A2ML1: variants seen among roughly 807,000 people sequenced by gnomAD.
A2ML1 encodes alpha-2-macroglobulin-like protein 1.
Under a neutral mutation model 181.9 loss-of-function variants are expected in A2ML1, and 161 were observed. That is an observed-to-expected ratio of 0.89 (90% CI 0.78 to 1.01). The LOEUF is 1.01. A2ML1 is among the 50% of genes least tolerant of loss of function. The pLI, the probability that A2ML1 is intolerant of heterozygous loss-of-function variation, is 0.00. For missense variants in A2ML1, 1,670 were observed against 1,768.1 expected (o/e 0.94, Z 1.00); for synonymous variants, 663 against 666.8 (o/e 0.99, Z 0.09).
Position 8,876,086 on chromosome 12 carries a change from CTG to C in A2ML1, c.*33_*34del, listed in dbSNP as rs1944792593. ...AGGAGCTGGAAACTCAATTAGTCCT[CTG>C]TGACATTTACTGGAGGGTGGAACAT... On this transcript the variant is annotated 3_prime_UTR_variant, in exon 36 of 36. Transcript: ENST00000299698. 2.1e-5 allele frequency: 1 copy of C among 47,716 alleles called. No homozygotes were observed. Among genetic ancestry groups the C allele is most frequent in the Non-Finnish European group, 6.5e-5 (1 of 15,306 alleles). The allele number at this position is 47,716 out of a possible 1,614,324, so 3.0% of individuals were successfully genotyped here. A position where few individuals can be genotyped will look rare whatever the true frequency, so the allele number is the denominator to read the frequency against.
chr12:8,831,175 G>A (rs574618294), intron 4 of A2ML1, among the ~76,000 whole-genome samples: 5 of 152,056 alleles, frequency 3.3e-5, no homozygotes, highest in Non-Finnish European at 5.9e-5. Flanking sequence ...TGCGCAGGCC[G>A]GTCTTGAGCT....
At chr12:8,823,137 T>C (rs1942799008) in intron 1 of A2ML1, 45 bp from the exon 2 acceptor site, 1 of 1,582,674 alleles carries the variant, frequency 6.3e-7, no homozygotes, top group Non-Finnish European at 8.6e-7. Context: ...ATTTTTCGAG[T>C]GAATGAATCA....
rs202118646 is a variant in A2ML1, at chr12:8,824,698, TTCTC to T, written c.409+826_409+829del. Among the ~76,000 whole-genome samples, 1,092 of 151,284 alleles carry T rather than the reference TTCTC, an allele frequency of 7.2e-3. 4 individuals carry two copies. The highest frequency in any genetic ancestry group is 0.015 in the African/African-American group (624 of 41,272). On this transcript the variant is annotated intron_variant, in intron 3 of 35. Transcript: ENST00000299698. ...CCAGCATCTGGTAACCATCATTCTG[TTCTC>T]TCTCTCTCTTTCAAAAAAATTTTTT...
intron 26 of A2ML1, among the ~76,000 whole-genome samples, chr12:8,860,632 A>G (rs1360030782): frequency 6.6e-6 from 1 of 152,118 alleles, no homozygotes; most frequent in Non-Finnish European, 1.5e-5. Flanking sequence ...ATACCCACTC[A>G]GCTGAAGTCC....
chr12:8,857,595 T>C lies in A2ML1; in HGVS notation c.3107+7T>C, dbSNP rs764916123. The C allele has an allele frequency of 3.1e-6, 5 of 1,607,926 alleles. No individual in the cohort carries two copies. In the Admixed American group the frequency reaches 8.5e-5, roughly 27 times the overall value. ...ATGGAAATGGAAACACATGGTAATATCACCCAATTCCCAATGAGTTCTGTA... is the reference window on the plus strand; with the variant it reads ...ATGGAAATGGAAACACATGGTAATACCACCCAATTCCCAATGAGTTCTGTA... On this transcript the variant is annotated splice_region_variant and intron_variant, in intron 25 of 35. Transcript: ENST00000299698.
intron 7 of A2ML1, 139 bp downstream of exon 7, chr12:8,836,478 GA>G (rs1943280124): frequency 2.9e-5 from 14 of 483,794 alleles, no homozygotes; most frequent in East Asian, 3.9e-5. Context: ...GCTTATCCAA[GA>G]CCTTTTTTTT....
intron 3 of A2ML1, among the ~76,000 whole-genome samples, chr12:8,825,216 T>C (rs1365460866): frequency 1.3e-5 from 2 of 152,158 alleles, no homozygotes; most frequent in African/African-American, 4.8e-5. Context: ...CCACCAACAG[T>C]GTATGAGGGT....
Position 8,846,230 on chromosome 12 carries a change from G to A in A2ML1, c.1683+8G>A, listed in dbSNP as rs756376369. The A allele has an allele frequency of 1.9e-6, 3 of 1,614,022 alleles. No homozygotes were observed. Among genetic ancestry groups the A allele is most frequent in the Non-Finnish European group, 2.5e-6 (3 of 1,179,874 alleles). On this transcript the variant is annotated splice_region_variant and intron_variant, in intron 14 of 35. Coordinates refer to ENST00000299698, the MANE Select transcript of A2ML1 (RefSeq NM_144670.6). ...ATGTGCTTTGACAATCAGGTAAAAT[G>A]ATAGCGGAGAAGGGTGAAGATAAAA...
rs1943905647 is a variant in A2ML1, at chr12:8,851,919, C to T, written c.2370C>T (p.Phe790=). 6.2e-7 allele frequency: 1 copy of T among 1,614,060 alleles called. No individual in the cohort carries two copies. The highest frequency in any genetic ancestry group is 1.3e-5 in the African/African-American group (1 of 74,924). The change falls in exon 19 of 36, where the codon TTC becomes TTT. Residue 790 remains phenylalanine, a synonymous_variant. Transcript: ENST00000299698. ...TTGGACTAACTGCTTTCAAGCCGTT[C>T]TTTGTTGACCTGACTCTCCCTTACT... ...PTVGLTAFKP[F]FVDLTLPYSV...
At chr12:8,858,846 G>C (rs183928287) in intron 26 of A2ML1, among the ~76,000 whole-genome samples, 2 of 152,034 alleles carry the variant, frequency 1.3e-5, no homozygotes, top group Non-Finnish European at 2.9e-5. Flanking sequence ...AATCCATCTG[G>C]GAAAGCCATT....
At chr12:8,839,396 T>C (rs1400051571) in intron 10 of A2ML1, among the ~76,000 whole-genome samples, 174 bp downstream of exon 10, 2 of 152,214 alleles carry the variant, frequency 1.3e-5, no homozygotes, top group African/African-American at 4.8e-5. Context: ...CCCCATTTTA[T>C]GGATACTGAG....
rs1400302861 is a variant in A2ML1 at position 8,868,271 on chromosome 12, G to C, written c.3975G>C (p.Lys1325Asn). The C allele has an allele frequency of 6.2e-7, 1 of 1,613,806 alleles. No homozygotes were observed. Among genetic ancestry groups the C allele is most frequent in the Admixed American group, 1.7e-5 (1 of 59,892 alleles). Reference sequence around the variant, plus strand: ...ATATTCTCCCTCCCACAAATATGAAGACCTTTAGTCTTAGTGTGGAAATAG... The same window carrying C: ...ATATTCTCCCTCCCACAAATATGAACACCTTTAGTCTTAGTGTGGAAATAG... The part of the protein sequence containing the change: ...RYNILPPTNM[K>N]TFSLSVEIGK... Residue 1325 changes from lysine to asparagine, a missense_variant, in exon 31 of 36, where the codon AAG (lysine) becomes AAC (asparagine). Physicochemically the swap from Lys to Asn is moderately conservative, Grantham distance 94. Transcript: ENST00000299698.
chr12:8,861,098 T>G, intron 27 of A2ML1, 37 bp from the exon 28 acceptor site: 1 of 1,610,532 alleles, frequency 6.2e-7, no homozygotes, highest in Non-Finnish European at 8.5e-7. Context: ...TTTAAAGGAA[T>G]GCCTTATAAG....
At chr12:8,881,965 T>A (rs1470711671) in intron 7 of A2ML1, among the ~76,000 whole-genome samples, 1 of 151,188 alleles carries the variant, frequency 6.6e-6, no homozygotes, top group East Asian at 1.9e-4. Flanking sequence ...GAGCCGAGAT[T>A]GCGCCACTGC....
rs776119723 is a variant in A2ML1 at position 8,841,556 on chromosome 12, C to G, written c.1248+20C>G. On this transcript the variant is annotated intron_variant, in intron 11 of 35. Coordinates refer to ENST00000299698, the MANE Select transcript of A2ML1 (RefSeq NM_144670.6). ...CTGGAGGTAAGCATGGACGGAGGAC[C>G]AGCTTCCTAGAAAGGAAGGCTTCCC... The G allele has an allele frequency of 6.3e-7, 1 of 1,590,520 alleles. No homozygotes were observed. Among genetic ancestry groups the G allele is most frequent in the Non-Finnish European group, 8.6e-7 (1 of 1,168,116 alleles).
chr12:8,843,693 T>G (rs1943566763), intron 12 of A2ML1, among the ~76,000 whole-genome samples: 4 of 151,956 alleles, frequency 2.6e-5, no homozygotes, highest in Admixed American at 1.3e-4. Context: ...CTGAGCACAT[T>G]TCAAGTATTC....
intron 7 of A2ML1, among the ~76,000 whole-genome samples, chr12:8,836,553 G>A (rs371391796): frequency 1.4e-5 from 2 of 148,080 alleles, no homozygotes; most frequent in South Asian, 2.1e-4. Context: ...ACGTGATCTC[G>A]GCTCACTGCA....
At chr12:8,861,015 T>G in intron 27 of A2ML1, 60 bp downstream of exon 27, 1 of 1,604,854 alleles carries the variant, frequency 6.2e-7, no homozygotes, top group Non-Finnish European at 8.5e-7. Context: ...CCTAGAGACA[T>G]TCACCCATCT....
At chr12:8,842,363 C>T (rs967360610) in intron 11 of A2ML1, among the ~76,000 whole-genome samples, 15 of 151,308 alleles carry the variant, frequency 9.9e-5, no homozygotes, top group Admixed American at 2.7e-4. Flanking sequence ...GGACTACAGG[C>T]GCCTGCCACC....
Sources: gnomAD v4.1 joint callset for allele counts (sites outside exome capture counted in the v4.1 genomes callset) on GRCh38, gnomAD v4.1.1 for gene constraint, MANE v1.5 for transcripts, NCBI Gene and HGNC (gene_info 2026-07-23, HGNC 2026-07-21) for gene names.